The following COP1 variants were observed in gnomAD, a reference collection of about 807,000 sequenced individuals.
COP1 encodes the protein COP1 E3 ubiquitin ligase.
COP1 carries 24 observed loss-of-function variants against 101.3 expected under a neutral mutation model. The observed-to-expected ratio is 0.24, with a 90% CI of 0.17 to 0.33. The LOEUF is 0.33. Ranked by LOEUF, COP1 falls within the 10% of genes least tolerant of loss-of-function variation. The pLI is 1.00. For synonymous variants in COP1, 347 were observed against 341.9 expected, an observed-to-expected ratio of 1.01 and a Z score of -0.17; for missense variants, 663 against 906.2, an observed-to-expected ratio of 0.73 and a Z score of 3.45.
chr1:176,133,606 T>C (rs1689307721), intron 8 of COP1, among the ~76,000 whole-genome samples: 2 of 151,814 alleles, frequency 1.3e-5, no homozygotes, highest in African/African-American at 4.8e-5. Context: ...ATCCAACACC[T>C]AGAATAGTCC....
chr1:176,107,163 G>A (rs1431301214), intron 9 of COP1, among the ~76,000 whole-genome samples: 1 of 152,044 alleles, frequency 6.6e-6, no homozygotes, highest in African/African-American at 2.4e-5. Flanking sequence ...TGATTAATAT[G>A]TAATTAATGC....
At chr1:176,099,417 C>T (rs1419951624) in intron 9 of COP1, among the ~76,000 whole-genome samples, 1 of 151,756 alleles carries the variant, frequency 6.6e-6, no homozygotes, top group Non-Finnish European at 1.5e-5. Flanking sequence ...TTTGTTTTTT[C>T]ATAGTCAAGG....
rs149997065 is a variant in COP1 at position 176,134,497 on chromosome 1, A to T, written c.968+513T>A. The stretch of plus-strand genomic sequence containing the variant: ...ATGGTCATGACAAATATAACCCTAT[A>T]CTAATATCGCATATAGAAGAATTAA... On this transcript the variant is annotated intron_variant, in intron 8 of 19. Transcript: ENST00000367669. 2.6e-3 allele frequency among the ~76,000 whole-genome samples: 398 copies of T among 152,130 alleles called. 3 individuals carry two copies. The highest frequency in any genetic ancestry group is 9.1e-3 in the African/African-American group (380 of 41,560).
At chr1:176,199,465 A>C (rs889337256) in intron 1 of COP1, among the ~76,000 whole-genome samples, 1 of 152,260 alleles carries the variant, frequency 6.6e-6, no homozygotes, top group Non-Finnish European at 1.5e-5. Flanking sequence ...ACGTGTCTGC[A>C]CAAAAACCTG....
chr1:175,978,733 A>G (rs1571356450), intron 18 of COP1, among the ~76,000 whole-genome samples: 1 of 152,184 alleles, frequency 6.6e-6, no homozygotes, highest in Non-Finnish European at 1.5e-5. Context: ...CAATCCAGTC[A>G]GAGGAAAGAA....
chr1:176,085,609 G>C (rs891700438), intron 10 of COP1, among the ~76,000 whole-genome samples, 167 bp downstream of exon 10: 2 of 152,156 alleles, frequency 1.3e-5, no homozygotes, highest in African/African-American at 2.4e-5. Flanking sequence ...TCATTGGAAA[G>C]TAACATTCTC....
At chr1:176,002,295 G>T (rs1187560574) in intron 15 of COP1, among the ~76,000 whole-genome samples, 1 of 151,812 alleles carries the variant, frequency 6.6e-6, no homozygotes, top group Non-Finnish European at 1.5e-5. Flanking sequence ...CTTTACAATG[G>T]ATAATCACAA....
chr1:176,119,288 T>C (rs1686711993), intron 8 of COP1, among the ~76,000 whole-genome samples: 1 of 152,220 alleles, frequency 6.6e-6, no homozygotes, highest in Admixed American at 6.5e-5. Context: ...TAAAATTGTG[T>C]AGTTGCATAT....
At chr1:176,167,050 G>A (rs549331150) in intron 3 of COP1, among the ~76,000 whole-genome samples, 2 of 152,144 alleles carry the variant, frequency 1.3e-5, no homozygotes, top group South Asian at 4.2e-4. Context: ...CCTCATCAAG[G>A]GGTATTTTAT....
chr1:176,168,796 T>A, intron 3 of COP1: 1 of 214,540 alleles, frequency 4.7e-6, no homozygotes, highest in Non-Finnish European at 1.0e-5. Context: ...GAAAATGCTG[T>A]GGAAGGTAGA....
At chr1:176,007,623 C>T in intron 15 of COP1, among the ~76,000 whole-genome samples, 1 of 151,760 alleles carries the variant, frequency 6.6e-6, no homozygotes, top group Non-Finnish European at 1.5e-5. Flanking sequence ...TCAGTGTGCC[C>T]CTGCTGGGGG....
At chr1:176,150,356 CAACTGAATA>C (rs1018070112) in intron 5 of COP1, among the ~76,000 whole-genome samples, 2 of 152,184 alleles carry the variant, frequency 1.3e-5, no homozygotes, top group Non-Finnish European at 2.9e-5. Context: ...ATATGTTTTA[CAACTGAATA>C]AATTTCCAAA....
chr1:176,161,469 TA>T (rs1229283730), intron 5 of COP1, among the ~76,000 whole-genome samples: 1 of 151,794 alleles, frequency 6.6e-6, no homozygotes, highest in Admixed American at 6.6e-5. Context: ...ATTTAAAAAC[TA>T]AAAAAATTAG....
intron 9 of COP1, among the ~76,000 whole-genome samples, chr1:176,106,990 T>C (rs1294514327): frequency 6.6e-6 from 1 of 152,112 alleles, no homozygotes; most frequent in African/African-American, 2.4e-5. Context: ...CGGTGCAACC[T>C]AGCAGTGGAA....
intron 11 of COP1, among the ~76,000 whole-genome samples, chr1:176,050,125 G>T (rs963111521): frequency 1.3e-5 from 2 of 151,988 alleles, no homozygotes; most frequent in African/African-American, 2.4e-5. Flanking sequence ...TTGAAAAATC[G>T]TGTTTCTGGG....
intron 15 of COP1, among the ~76,000 whole-genome samples, chr1:176,011,006 C>G (rs971150267): frequency 6.6e-6 from 1 of 152,122 alleles, no homozygotes; most frequent in East Asian, 1.9e-4. Context: ...TTGTGAGGAA[C>G]AGTGAAAAGA....
rs1448466918 is a variant in COP1, at chr1:176,027,703, C to A, written c.1613-15G>T. The A allele has an allele frequency of 4.8e-6, 7 of 1,464,132 alleles. No homozygotes were observed. Among genetic ancestry groups the A allele is most frequent in the South Asian group, 4.6e-5 (4 of 86,990 alleles). 90.7% of individuals were successfully genotyped at this position (1,464,132 alleles called of 1,614,324 possible). On this transcript the variant is annotated splice_polypyrimidine_tract_variant and intron_variant, in intron 14 of 19. Transcript: ENST00000367669. ...CCACAGCTTCACTAAGGGCAAAGGACAATAAAAACAAAAAGAGAAACAAGT... is the reference window on the plus strand; with the variant it reads ...CCACAGCTTCACTAAGGGCAAAGGAAAATAAAAACAAAAAGAGAAACAAGT...
intron 15 of COP1, among the ~76,000 whole-genome samples, chr1:176,000,701 T>C (rs551263144): frequency 6.6e-6 from 1 of 152,132 alleles, no homozygotes; most frequent in South Asian, 2.1e-4. Flanking sequence ...TCAACCTGTA[T>C]ATGGTAGAAT....
chr1:176,173,986 C>CAAA lies in COP1; in HGVS notation c.565+1921_565+1923dup, dbSNP rs1212803591. 2.6e-4 allele frequency among the ~76,000 whole-genome samples: 13 copies of CAAA among 49,068 alleles called. 1 individual carries two copies. The highest frequency in any genetic ancestry group is 8.6e-4 in the South Asian group (1 of 1,168). 32.2% of individuals were successfully genotyped at this position (49,068 alleles called of 152,430 possible). A position where few individuals can be genotyped will look rare whatever the true frequency, so the allele number is the denominator to read the frequency against. On this transcript the variant is annotated intron_variant, in intron 3 of 19. Coordinates refer to ENST00000367669, the MANE Select transcript of COP1 (RefSeq NM_022457.7). ...TGGGCAACAGAGTGAGATGCTGTCT[C>CAAA]AAAAAAAAAAAAAAAAAAAAAAGAG...
Sources: gnomAD v4.1 joint callset for allele counts (sites outside exome capture counted in the v4.1 genomes callset) on GRCh38, gnomAD v4.1.1 for gene constraint, MANE v1.5 for transcripts, NCBI Gene and HGNC (gene_info 2026-07-23, HGNC 2026-07-21) for gene names.